CEP128: variants seen among roughly 807,000 people sequenced by gnomAD.
CEP128 encodes the protein centrosomal protein 128kDa.
Under a neutral mutation model 156.7 loss-of-function variants are expected in CEP128, and 132 were observed. That is an observed-to-expected ratio of 0.84 (90% CI 0.73 to 0.97). The LOEUF is 0.97. Among genes scored for constraint, CEP128 ranks in the 50% least tolerant of loss-of-function variants. The probability of loss-of-function intolerance (pLI) is 0.00; values close to 1 mark genes in which losing one functional copy is unlikely to be tolerated. For synonymous variants in CEP128, 469 were observed against 448.9 expected (o/e 1.04, Z -0.57); for missense variants, 1,252 against 1,281.9 (o/e 0.98, Z 0.36).
At chr14:80,759,939 T>C (rs1899877300) in intron 17 of CEP128, among the ~76,000 whole-genome samples, 2 of 151,936 alleles carry the variant, frequency 1.3e-5, no homozygotes, top group African/African-American at 4.8e-5. Flanking sequence ...TGTGTATACA[T>C]ATATATATCT....
At chr14:80,826,327 T>C (rs1020911279) in intron 13 of CEP128, among the ~76,000 whole-genome samples, 1 of 152,112 alleles carries the variant, frequency 6.6e-6, no homozygotes, top group African/African-American at 2.4e-5. Context: ...TATTAAAAAT[T>C]ACTTGCTATT....
chr14:80,913,563 C>T (rs775597051), intron 4 of CEP128, among the ~76,000 whole-genome samples: 20 of 152,146 alleles, frequency 1.3e-4, no homozygotes, highest in Admixed American at 2.6e-4. Flanking sequence ...AGTGAAGTAA[C>T]TAAGGAATGA....
intron 19 of CEP128, among the ~76,000 whole-genome samples, chr14:80,685,484 T>C (rs2058891702): frequency 6.6e-6 from 1 of 152,026 alleles, no homozygotes; most frequent in East Asian, 1.9e-4. Flanking sequence ...GCTCATGAAT[T>C]GAAAGAATCA....
intron 2 of CEP128, among the ~76,000 whole-genome samples, chr14:80,930,160 T>C (rs995664551): frequency 3.9e-5 from 6 of 152,218 alleles, no homozygotes; most frequent in Admixed American, 1.3e-4. Context: ...ATTCTAGTGC[T>C]GGGAGCAGCT....
chr14:80,534,597 G>A lies in CEP128; in HGVS notation c.2881-3711C>T, dbSNP rs139879407. ...TCCCAACACTTTGGGAGTCCGAGGC[G>A]GGTGGATCATGAGGTCAGGAGATTG... On this transcript the variant is annotated intron_variant, in intron 21 of 24. Transcript: ENST00000555265. 6.8e-4 allele frequency among the ~76,000 whole-genome samples: 104 copies of A among 152,228 alleles called. 1 individual carries two copies. In the East Asian group the frequency reaches 0.011, roughly 16 times the overall value.
At chr14:80,530,767 C>G (rs367899868) in intron 22 of CEP128, 42 bp downstream of exon 22, 286 of 1,382,848 alleles carry the variant, frequency 2.1e-4, no homozygotes, top group Admixed American at 4.4e-4. Context: ...AGTGTTCTCA[C>G]TCAGATAAAA....
intron 19 of CEP128, among the ~76,000 whole-genome samples, chr14:80,655,847 T>G (rs906844633): frequency 2.6e-5 from 4 of 152,186 alleles, no homozygotes; most frequent in African/African-American, 9.6e-5. Flanking sequence ...CTGCTGGCCT[T>G]TTGAGTTACA....
intron 19 of CEP128, among the ~76,000 whole-genome samples, chr14:80,686,746 T>C (rs1214973726): frequency 6.6e-6 from 1 of 151,664 alleles, no homozygotes; most frequent in African/African-American, 2.4e-5. Context: ...ACCAAGCAAA[T>C]GGAAAACAGA....
chr14:80,940,939 T>C (rs1297632706), intron 1 of CEP128, among the ~76,000 whole-genome samples: 1 of 152,184 alleles, frequency 6.6e-6, no homozygotes, highest in African/African-American at 2.4e-5. Context: ...CTTTACATAA[T>C]ACTCAAATCA....
chr14:80,721,108 T>C (rs35892759), intron 19 of CEP128, among the ~76,000 whole-genome samples: 9,948 of 152,218 alleles, frequency 0.065, 1,072 homozygotes, highest in African/African-American at 0.23. Context: ...ATCTTTAATT[T>C]CCCTTCTTAC....
intron 16 of CEP128, among the ~76,000 whole-genome samples, chr14:80,766,041 CAT>C (rs1239225703): frequency 6.6e-6 from 1 of 152,132 alleles, no homozygotes; most frequent in Non-Finnish European, 1.5e-5. Context: ...AAATATATGA[CAT>C]ATTGACATAT....
intron 10 of CEP128, among the ~76,000 whole-genome samples, chr14:80,838,962 G>C (rs1275243721): frequency 3.9e-5 from 6 of 152,130 alleles, no homozygotes; most frequent in Non-Finnish European, 8.8e-5. Context: ...AGTCAGGCAT[G>C]GTGGCAGACA....
At chr14:80,890,556 C>T (rs1237885666) in intron 8 of CEP128, among the ~76,000 whole-genome samples, 1 of 152,046 alleles carries the variant, frequency 6.6e-6, no homozygotes, top group African/African-American at 2.4e-5. Flanking sequence ...TGTTCTCACT[C>T]ATAAGTAGGA....
At chr14:80,785,993 A>G (rs893717614) in intron 14 of CEP128, among the ~76,000 whole-genome samples, 9 of 152,202 alleles carry the variant, frequency 5.9e-5, no homozygotes, top group African/African-American at 2.2e-4. Context: ...AAAATAATAT[A>G]GGGAAGCATG....
At chr14:80,705,802 C>T (rs1897223372) in intron 19 of CEP128, among the ~76,000 whole-genome samples, 1 of 152,104 alleles carries the variant, frequency 6.6e-6, no homozygotes, top group African/African-American at 2.4e-5. Context: ...TTCTAGTCAT[C>T]CCTAGATAAA....
intron 6 of CEP128, 39 bp from the exon 7 acceptor site, chr14:80,900,068 G>A (rs1297772570): frequency 7.7e-7 from 1 of 1,303,592 alleles, no homozygotes; most frequent in Non-Finnish European, 1.1e-6. Flanking sequence ...TTAGAATTCT[G>A]TTGAATTCTT....
At chr14:80,856,130 G>A (rs1887144489) in intron 9 of CEP128, among the ~76,000 whole-genome samples, 1 of 152,114 alleles carries the variant, frequency 6.6e-6, no homozygotes, top group Non-Finnish European at 1.5e-5. Context: ...TAACCTGGTT[G>A]TCCCTCAGAA....
chr14:80,627,944 C>T (rs1412666592), intron 19 of CEP128, among the ~76,000 whole-genome samples: 1 of 152,038 alleles, frequency 6.6e-6, no homozygotes. Context: ...GTGACCTAAC[C>T]CATTCATCTC....
In CEP128 at chr14:80,819,498, G is replaced by A. The variant is rs188376095; in HGVS notation, c.1209+11645C>T. Among the ~76,000 whole-genome samples the A allele has an allele frequency of 1.8e-4, 28 of 151,980 alleles. 1 individual carries two copies. Among genetic ancestry groups the A allele is most frequent in the Admixed American group, 7.2e-4 (11 of 15,264 alleles). On this transcript the variant is annotated intron_variant, in intron 13 of 24. Coordinates refer to ENST00000555265, the MANE Select transcript of CEP128 (RefSeq NM_152446.5). ...CCTGACATTGTGATCCGCCCACCTC[G>A]GCCTCCCAAAGTGCTGGGATTACAG...
Sources: allele counts gnomAD v4.1 joint callset (sites outside exome capture counted in the v4.1 genomes callset), GRCh38; gene constraint gnomAD v4.1.1; transcripts MANE v1.5; gene names NCBI Gene and HGNC (gene_info 2026-07-23, HGNC 2026-07-21).